NPHP3: variants seen among roughly 807,000 people sequenced by gnomAD.
NPHP3 encodes nephrocystin 3.
A neutral mutation model predicts 171.9 loss-of-function variants in NPHP3; 123 were observed. The ratio of observed to expected loss-of-function variants is 0.72; its 90% CI spans 0.62 to 0.83. The LOEUF (loss-of-function observed/expected upper bound fraction) is 0.83, where lower values mean the gene tolerates loss of function less well. Among genes scored for constraint, NPHP3 ranks in the 40% least tolerant of loss-of-function variants. The pLI is 0.00. For missense variants in NPHP3, 1,506 were observed against 1,591.9 expected (o/e 0.95, Z 0.92); for synonymous variants, 558 against 579.2 (o/e 0.96, Z 0.52).
rs768081823 is a variant in NPHP3 at position 132,716,830 on chromosome 3, C to T, written c.750G>A (p.Gln250=). 3.7e-6 allele frequency: 6 copies of T among 1,614,184 alleles called. No individual in the cohort carries two copies. The highest frequency in any genetic ancestry group is 5.1e-6 in the Non-Finnish European group (6 of 1,180,016). ...CAAACTCAGGGCCTCTGAAGGACTG[C>T]TGAAGCTGGATCATGCTTCCTATGG... ...EPSIGSMIQL[Q]QSFRGPEFAH... The change falls in exon 4 of 27, where the codon CAG becomes CAA. Residue 250 remains glutamine, a synonymous_variant. Transcript: ENST00000337331.
chr3:132,689,210 C>T lies in NPHP3; in HGVS notation c.2747G>A (p.Ser916Asn). Residue 916 changes from serine (S) to asparagine (N), a missense_variant, in exon 20 of 27, where the codon AGT becomes AAT. Ser to Asn is a conservative substitution (Grantham distance 46). This residue lies in a region of NPHP3 where 569 missense variants were observed against 648.1 expected (regional missense o/e 0.88). Transcript: ENST00000337331. ...SYWQFVGKDK[S>N]AMATEYFDSL... ...ATCGAAGTATTCTGTTGCCATTGCACTTTTGTCTTTGCCAACAAACTGCCA... is the reference window on the plus strand; with the variant it reads ...ATCGAAGTATTCTGTTGCCATTGCATTTTTGTCTTTGCCAACAAACTGCCA... 2 of 1,614,138 alleles carry T rather than the reference C, an allele frequency of 1.2e-6. No homozygotes were observed. The highest frequency in any genetic ancestry group is 1.7e-6 in the Non-Finnish European group (2 of 1,179,976).
chr3:132,681,641 C>T lies in NPHP3; in HGVS notation c.*269G>A. On this transcript the variant is annotated 3_prime_UTR_variant, in exon 27 of 27. Transcript: ENST00000337331. ...CTTGTTGAACAAAGACCAATCCGCT[C>T]TTCATGATTTGCTCCTCATGTCTTC... 2.4e-6 allele frequency: 1 copy of T among 419,756 alleles called. No individual in the cohort carries two copies. Among genetic ancestry groups the T allele is most frequent in the Non-Finnish European group, 4.4e-6 (1 of 225,710 alleles). 26.0% of individuals were successfully genotyped at this position (419,756 alleles called of 1,614,324 possible).
intron 8 of NPHP3, among the ~76,000 whole-genome samples, chr3:132,705,087 C>A (rs1359349384): frequency 2.0e-5 from 3 of 152,164 alleles, no homozygotes; most frequent in Non-Finnish European, 2.9e-5. Flanking sequence ...GTGTGGGCAA[C>A]CACAGGCTAA....
At chr3:132,719,214 G>A (rs893051180) in intron 2 of NPHP3, 70 bp from the exon 3 acceptor site, 3 of 1,207,308 alleles carry the variant, frequency 2.5e-6, no homozygotes, top group Non-Finnish European at 2.4e-6. Context: ...AACTTTAAGG[G>A]AAAAATATTT....
chr3:132,683,614 A>C, intron 24 of NPHP3, 90 bp from the exon 25 acceptor site: 1 of 1,083,258 alleles, frequency 9.2e-7, no homozygotes. Flanking sequence ...TTCATATTAA[A>C]GGGTAATTTT....
intron 3 of NPHP3, 42 bp from the exon 4 acceptor site, chr3:132,716,951 T>C (rs766113106): frequency 1.0e-5 from 16 of 1,605,704 alleles, no homozygotes. Flanking sequence ...GCCAACTTAT[T>C]GAATGTTCAA....
Position 132,699,991 on chromosome 3 carries a change from C to T in NPHP3, c.1814G>A (p.Arg605His), listed in dbSNP as rs763388690. The stretch of plus-strand genomic sequence containing the variant: ...ACGAGCAGAGAGTTTTTCCAGCCAA[C>T]GTGGAAATTCTTCCAGAAGCTTAGC... ...DPAKLLEEFP[R>H]WLEKLSARHQ... Residue 605 changes from arginine to histidine, a missense_variant, in exon 12 of 27, where the codon CGT becomes CAT. Transcript: ENST00000337331. 9.3e-6 allele frequency: 15 copies of T among 1,613,982 alleles called. No homozygotes were observed. The highest frequency in any genetic ancestry group is 4.4e-5 in the South Asian group (4 of 91,082).
intron 8 of NPHP3, 25 bp from the exon 9 acceptor site, chr3:132,704,396 A>T: frequency 6.2e-7 from 1 of 1,613,898 alleles, no homozygotes; most frequent in Non-Finnish European, 8.5e-7. Flanking sequence ...CAACCACACA[A>T]AAATGAATGA....
At chr3:132,716,055 A>G (rs1259849744) in intron 4 of NPHP3, among the ~76,000 whole-genome samples, 1 of 152,218 alleles carries the variant, frequency 6.6e-6, no homozygotes, top group Non-Finnish European at 1.5e-5. Context: ...ACAACATTGT[A>G]AGACTTCTTA....
chr3:132,692,894 T>G, intron 16 of NPHP3, 76 bp from the exon 17 acceptor site: 1 of 1,191,704 alleles, frequency 8.4e-7, no homozygotes, highest in Non-Finnish European at 1.2e-6. Context: ...AGTTCCATAA[T>G]TCTTTTAAGG....
intron 17 of NPHP3, 51 bp downstream of exon 17, chr3:132,692,603 A>G (rs1046332960): frequency 6.6e-7 from 1 of 1,514,916 alleles, no homozygotes; most frequent in East Asian, 2.3e-5. Context: ...GTGACAGAGA[A>G]GACCCTGTTT....
rs760125319 is a variant in NPHP3 at position 132,682,805 on chromosome 3, TCAA to T, written c.3707_3709del (p.Val1236del). The T allele has an allele frequency of 1.2e-6, 2 of 1,608,178 alleles. No homozygotes were observed. Among genetic ancestry groups the T allele is most frequent in the Admixed American group, 3.3e-5 (2 of 60,012 alleles). On this transcript the variant is annotated inframe_deletion, in exon 26 of 27. Transcript: ENST00000337331. ...TGCTCTTTCATATAATGGCAAAGCTTCAACGTGTTTTTTCTTATTAAAAAAAAT... is the reference window on the plus strand; with the variant it reads ...TGCTCTTTCATATAATGGCAAAGCTTCGTGTTTTTTCTTATTAAAAAAAAT...
chr3:132,694,806 T>A, intron 16 of NPHP3, 21 bp downstream of exon 16: 1 of 1,611,298 alleles, frequency 6.2e-7, no homozygotes, highest in Non-Finnish European at 8.5e-7. Context: ...CATTCCTTTT[T>A]ATAAGTTTAT....
intron 5 of NPHP3, among the ~76,000 whole-genome samples, chr3:132,713,516 A>C (rs1036779122): frequency 6.6e-6 from 1 of 152,204 alleles, no homozygotes; most frequent in African/African-American, 2.4e-5. Flanking sequence ...TCAGAAAATG[A>C]CTTATTTCAT....
intron 13 of NPHP3, among the ~76,000 whole-genome samples, chr3:132,698,271 G>A (rs879470895): frequency 2.6e-5 from 4 of 151,750 alleles, no homozygotes; most frequent in Non-Finnish European, 5.9e-5. Context: ...GAGCCACTGC[G>A]CCCAGCCATT....
intron 23 of NPHP3, 91 bp from the exon 24 acceptor site, chr3:132,684,885 T>A: frequency 7.0e-7 from 1 of 1,437,246 alleles, no homozygotes. Flanking sequence ...TGACTCATCT[T>A]TATTCTTAGA....
At chr3:132,713,407 A>C (rs932542014) in intron 5 of NPHP3, 121 bp from the exon 6 acceptor site, 1 of 512,358 alleles carries the variant, frequency 2.0e-6, no homozygotes, top group African/African-American at 2.0e-5. Flanking sequence ...CTTTTCATAT[A>C]AAATTTTAAA....
chr3:132,702,665 C>A (rs904078530), intron 9 of NPHP3, among the ~76,000 whole-genome samples: 1 of 152,170 alleles, frequency 6.6e-6, no homozygotes, highest in East Asian at 1.9e-4. Context: ...AATTCTCCAG[C>A]AACTATAATG....
chr3:132,706,438 T>C (rs1041221058), intron 7 of NPHP3, among the ~76,000 whole-genome samples: 3 of 151,986 alleles, frequency 2.0e-5, no homozygotes, highest in Middle Eastern at 6.8e-3. Context: ...TTCTCTTATG[T>C]ATTTCCATAC....
Sources: allele counts gnomAD v4.1 joint callset (sites outside exome capture counted in the v4.1 genomes callset), GRCh38; gene constraint gnomAD v4.1.1; regional missense constraint gnomAD v4.1.1; transcripts MANE v1.5; gene names NCBI Gene and HGNC (gene_info 2026-07-23, HGNC 2026-07-21).